PKD2: variants seen among roughly 807,000 people sequenced by gnomAD.
The protein encoded by PKD2 is polycystin-2.
A neutral mutation model predicts 105.9 loss-of-function variants in PKD2; 48 were observed. The observed-to-expected ratio is 0.45, with a 90% confidence interval of 0.36 to 0.58. The LOEUF (loss-of-function observed/expected upper bound fraction) is 0.58. Ranked by LOEUF, PKD2 falls within the 20% of genes least tolerant of loss-of-function variation. The probability of loss-of-function intolerance (pLI) is 0.00; values close to 1 mark genes in which losing one functional copy is unlikely to be tolerated. For synonymous variants in PKD2, 464 were observed against 481.1 expected (o/e 0.96, Z 0.46); for missense variants, 1,078 against 1,255.3 (o/e 0.86, Z 2.13).
At chr4:88,033,486 C>T (rs1727232040) in intron 2 of PKD2, among the ~76,000 whole-genome samples, 1 of 151,798 alleles carries the variant, frequency 6.6e-6, no homozygotes. Flanking sequence ...CATTATTTAC[C>T]TGTCTGTCCA....
At chr4:88,014,422 C>A (rs1019308579) in intron 1 of PKD2, among the ~76,000 whole-genome samples, 8 of 148,724 alleles carry the variant, frequency 5.4e-5, no homozygotes, top group Admixed American at 4.7e-4. Context: ...GAGACTGGGG[C>A]GGGAGGATTG....
intron 1 of PKD2, among the ~76,000 whole-genome samples, chr4:88,013,258 A>G (rs1726446256): frequency 6.6e-6 from 1 of 152,168 alleles, no homozygotes; most frequent in African/African-American, 2.4e-5. Context: ...TCATGCAGTA[A>G]AAAACATTCA....
chr4:88,025,198 T>C (rs1726911472), intron 2 of PKD2, among the ~76,000 whole-genome samples: 1 of 151,984 alleles, frequency 6.6e-6, no homozygotes, highest in African/African-American at 2.4e-5. Context: ...TGGCTCATGC[T>C]TATAATCCCA....
At position 88,061,992 on chromosome 4, in the gene PKD2, T is replaced by A. The variant is rs1409281141; in HGVS notation, c.2106T>A (p.Asp702Glu). The A allele has an allele frequency of 6.6e-7, 1 of 1,515,364 alleles. No homozygotes were observed. Among genetic ancestry groups the A allele is most frequent in the Non-Finnish European group, 9.2e-7 (1 of 1,090,508 alleles). The allele number at this position is 1,515,364 out of a possible 1,614,324, so 93.9% of individuals were successfully genotyped here. A position where few individuals can be genotyped will look rare whatever the true frequency, so the allele number is the denominator to read the frequency against. ...AQQKAEMELS[D>E]LIRKGYHKAL... ...AGAAAGCTGAAATGGAACTCTCAGA[T>A]CTTATCAGAAAGGTAGGAAAAACCT... The change falls in exon 10 of 15, where the codon GAT becomes GAA. Residue 702 changes from aspartate (D) to glutamate (E), a missense_variant. By Grantham distance (45) the Asp-to-Glu change is conservative. Transcript: ENST00000237596.
intron 4 of PKD2, among the ~76,000 whole-genome samples, chr4:88,040,671 C>A (rs557514947): frequency 6.6e-6 from 1 of 152,300 alleles, no homozygotes; most frequent in Non-Finnish European, 1.5e-5. Context: ...ATCCACTGAA[C>A]AAATCTCAGT....
rs1373600994 is a variant in PKD2 at position 88,061,953 on chromosome 4, T to A, written c.2067T>A (p.Ser689=). The part of the protein sequence containing the change: ...IINDTYSEVK[S]DLAQQKAEME... Reference sequence around the variant, plus strand: ...ATGATACTTACTCTGAAGTGAAATCTGACTTGGCACAGCAGAAAGCTGAAA... The same window carrying A: ...ATGATACTTACTCTGAAGTGAAATCAGACTTGGCACAGCAGAAAGCTGAAA... The change falls in exon 10 of 15, where the codon TCT becomes TCA. Residue 689 remains serine, a synonymous_variant. Transcript: ENST00000237596. 1.3e-6 allele frequency: 2 copies of A among 1,592,800 alleles called. No homozygotes were observed. The highest frequency in any genetic ancestry group is 1.3e-5 in the African/African-American group (1 of 74,530).
chr4:88,064,543 G>A (rs1228033953), intron 10 of PKD2, among the ~76,000 whole-genome samples: 1 of 151,988 alleles, frequency 6.6e-6, no homozygotes, highest in Admixed American at 6.6e-5. Flanking sequence ...CAGCTTGCAT[G>A]GTCACTTACA....
intron 1 of PKD2, among the ~76,000 whole-genome samples, 168 bp from the exon 2 acceptor site, chr4:88,019,290 C>T (rs1334128065): frequency 6.6e-6 from 1 of 150,740 alleles, no homozygotes; most frequent in African/African-American, 2.4e-5. Context: ...AAAAGGTAGG[C>T]CTACAAAACC....
intron 1 of PKD2, among the ~76,000 whole-genome samples, chr4:88,016,409 A>ATT (rs35484704): frequency 6.6e-6 from 1 of 152,214 alleles, no homozygotes; most frequent in Non-Finnish European, 1.5e-5. Context: ...ACAACAGTTG[A>ATT]TTTTGAAGAG....
chr4:88,065,174 C>T (rs1183226342), intron 10 of PKD2, among the ~76,000 whole-genome samples, 200 bp from the exon 11 acceptor site: 6 of 152,070 alleles, frequency 3.9e-5, no homozygotes, highest in African/African-American at 1.2e-4. Flanking sequence ...TACTGAAAGA[C>T]CCTGACTTTT....
intron 6 of PKD2, among the ~76,000 whole-genome samples, chr4:88,050,861 G>A (rs1484044299): frequency 6.6e-6 from 1 of 152,190 alleles, no homozygotes; most frequent in African/African-American, 2.4e-5. Flanking sequence ...CTTTTTAGCT[G>A]TGATCAGCAA....
chr4:88,039,751 T>C (rs2110108701), intron 4 of PKD2, among the ~76,000 whole-genome samples: 1 of 152,032 alleles, frequency 6.6e-6, no homozygotes, highest in African/African-American at 2.4e-5. Context: ...TCATCCAAGT[T>C]ATGATAGTGA....
chr4:88,053,085 C>T (rs1720171454), intron 7 of PKD2, among the ~76,000 whole-genome samples: 1 of 152,190 alleles, frequency 6.6e-6, no homozygotes, highest in African/African-American at 2.4e-5. Flanking sequence ...GTCACCAGCA[C>T]AGGCTCTGAT....
intron 2 of PKD2, among the ~76,000 whole-genome samples, chr4:88,022,842 T>G (rs937014672): frequency 7.2e-5 from 11 of 152,158 alleles, no homozygotes; most frequent in Non-Finnish European, 1.3e-4. Flanking sequence ...CAGCACTTTG[T>G]CAGGCTGAAG....
Position 88,043,477 on chromosome 4 carries a change from A to T in PKD2, c.1319+20A>T. 1 of 1,495,052 alleles carries T rather than the reference A, an allele frequency of 6.7e-7. No homozygotes were observed. The highest frequency in any genetic ancestry group is 1.4e-5 in the African/African-American group (1 of 72,668). 92.6% of individuals were successfully genotyped at this position (1,495,052 alleles called of 1,614,324 possible). A position where few individuals can be genotyped will look rare whatever the true frequency, so the allele number is the denominator to read the frequency against. On this transcript the variant is annotated intron_variant, in intron 5 of 14. Transcript: ENST00000237596. ...GGTCAGGTGTGTACTGAGGACATGCATCCCTCCTATTTCTGTGTGGTTGTA... is the reference window on the plus strand; with the variant it reads ...GGTCAGGTGTGTACTGAGGACATGCTTCCCTCCTATTTCTGTGTGGTTGTA...
intron 3 of PKD2, among the ~76,000 whole-genome samples, chr4:88,037,937 C>T (rs919317468): frequency 3.9e-5 from 6 of 152,074 alleles, no homozygotes; most frequent in Non-Finnish European, 7.4e-5. Flanking sequence ...TAATCATGAC[C>T]CCACCTTTAG....
At chr4:88,024,968 A>G (rs924897217) in intron 2 of PKD2, among the ~76,000 whole-genome samples, 14 of 151,964 alleles carry the variant, frequency 9.2e-5, no homozygotes, top group Non-Finnish European at 1.9e-4. Flanking sequence ...CCCCATCTCT[A>G]CTAAAAATAC....
In PKD2 at chr4:88,030,161, T is replaced by C. The variant is rs79511887; in HGVS notation, c.710-6059T>C. ...TCAGTCTTCCATTTATTTATTTATG[T>C]ATTTATTTGAGACAGGGTCTCACTC... On this transcript the variant is annotated intron_variant, in intron 2 of 14. Coordinates refer to ENST00000237596, the MANE Select transcript of PKD2 (RefSeq NM_000297.4). Among the ~76,000 whole-genome samples the C allele has an allele frequency of 6.0e-3, 912 of 152,250 alleles. 13 individuals are homozygous for C. The highest frequency in any genetic ancestry group is 0.021 in the African/African-American group (857 of 41,546).
intron 9 of PKD2, among the ~76,000 whole-genome samples, chr4:88,061,084 A>G (rs1440748092): frequency 6.6e-6 from 1 of 152,130 alleles, no homozygotes; most frequent in Admixed American, 6.6e-5. Flanking sequence ...CTGTATTCCT[A>G]TTTGCAACAG....
Sources: allele counts gnomAD v4.1 joint callset (sites outside exome capture counted in the v4.1 genomes callset), GRCh38; gene constraint gnomAD v4.1.1; transcripts MANE v1.5; gene names NCBI Gene and HGNC (gene_info 2026-07-23, HGNC 2026-07-21).